Variants in CSMD3 observed in about 807,000 individuals in gnomAD.
CSMD3 encodes CUB and sushi domain-containing protein 3.
In CSMD3, 177 loss-of-function variants were observed where a neutral mutation model predicts 435.2. The ratio of observed to expected loss-of-function variants is 0.41; its 90% CI spans 0.36 to 0.46. The LOEUF (loss-of-function observed/expected upper bound fraction) is 0.46. Ranked by LOEUF, CSMD3 falls within the 20% of genes least tolerant of loss-of-function variation. The pLI, the probability that CSMD3 is intolerant of heterozygous loss-of-function variation, is 0.34. For synonymous variants in CSMD3, 1,656 were observed against 1,520.5 expected, an observed-to-expected ratio of 1.09 and a Z score of -2.07; for missense variants, 4,265 against 4,504.6, an observed-to-expected ratio of 0.95 and a Z score of 1.52.
intron 32 of CSMD3, among the ~76,000 whole-genome samples, chr8:112,426,648 T>A (rs970770930): frequency 1.3e-5 from 2 of 152,204 alleles, no homozygotes; most frequent in Non-Finnish European, 2.9e-5. Context: ...ACCTCAGAAT[T>A]TATCTGATTA....
intron 22 of CSMD3, among the ~76,000 whole-genome samples, chr8:112,593,221 A>T (rs1831350809): frequency 6.6e-6 from 1 of 152,158 alleles, no homozygotes. Flanking sequence ...TTAAAAAGAG[A>T]AAAACATGAC....
At chr8:112,600,352 A>AT (rs572750947) in intron 22 of CSMD3, among the ~76,000 whole-genome samples, 1 of 152,206 alleles carries the variant, frequency 6.6e-6, no homozygotes, top group South Asian at 2.1e-4. Context: ...TGTTTTCATT[A>AT]TTTTTTGAAT....
rs181626313 is a variant in CSMD3 at position 112,446,558 on chromosome 8, G to A, written c.5395+26033C>T. 2.0e-5 allele frequency among the ~76,000 whole-genome samples: 3 copies of A among 152,234 alleles called. No homozygotes were observed. In the East Asian group the frequency reaches 5.8e-4, roughly 29 times the overall value. ...CATTCAGTCCTATTTACAACATACT[G>A]GAGCAGTTGCTCATCTGATTTCTAC... On this transcript the variant is annotated intron_variant, in intron 32 of 70. Transcript: ENST00000297405.
At chr8:113,072,553 A>T (rs578198359) in intron 5 of CSMD3, among the ~76,000 whole-genome samples, 2 of 151,974 alleles carry the variant, frequency 1.3e-5, no homozygotes, top group Non-Finnish European at 1.5e-5. Flanking sequence ...CTACTACAGC[A>T]TCAATTATAA....
intron 3 of CSMD3, among the ~76,000 whole-genome samples, chr8:113,193,814 T>C (rs772601044): frequency 6.6e-6 from 1 of 151,448 alleles, no homozygotes; most frequent in Non-Finnish European, 1.5e-5. Context: ...GAATTATTTC[T>C]TGTGACATAT....
chr8:113,317,948 C>T (rs540378290), intron 1 of CSMD3, among the ~76,000 whole-genome samples: 9 of 152,214 alleles, frequency 5.9e-5, no homozygotes, highest in East Asian at 1.9e-4. Context: ...GCATATAGTA[C>T]GCCTATAGTA....
At chr8:113,135,391 T>C (rs2091392156) in intron 4 of CSMD3, among the ~76,000 whole-genome samples, 2 of 151,890 alleles carry the variant, frequency 1.3e-5, no homozygotes, top group South Asian at 2.1e-4. Context: ...CAGTTGTTCC[T>C]TTAGCCTAAA....
intron 3 of CSMD3, among the ~76,000 whole-genome samples, chr8:113,266,507 A>T (rs1226224590): frequency 6.6e-6 from 1 of 151,548 alleles, no homozygotes; most frequent in Non-Finnish European, 1.5e-5. Context: ...CAGTTCTCAA[A>T]TGTAAGACAT....
At chr8:113,124,127 A>C (rs2091059662) in intron 4 of CSMD3, among the ~76,000 whole-genome samples, 1 of 151,994 alleles carries the variant, frequency 6.6e-6, no homozygotes. Flanking sequence ...TATAGTAGCT[A>C]GTTGTTTATA....
chr8:113,062,212 G>T (rs887022452), intron 5 of CSMD3, among the ~76,000 whole-genome samples: 2 of 151,798 alleles, frequency 1.3e-5, no homozygotes, highest in East Asian at 3.9e-4. Context: ...AAAGTTCATT[G>T]TTTATTTATT....
chr8:112,346,106 TG>T lies in CSMD3; in HGVS notation c.6432del (p.Ile2145Ter), dbSNP rs2131022585. The T allele has an allele frequency of 6.4e-7, 1 of 1,573,284 alleles. No homozygotes were observed. The highest frequency in any genetic ancestry group is 8.8e-7 in the Non-Finnish European group (1 of 1,142,704). ...TTTTTAATACACATACCAAAACCTA[TG>T]GGTAGATTTATTGTCCATGTGCAAT... ...SLDCTWTINLPIGFGVHLQFV... is the reference protein window; with the variant it reads ...SLDCTWTINLXIGFGVHLQFV... On this transcript the variant is annotated frameshift_variant, in exon 41 of 71. Coordinates refer to ENST00000297405, the MANE Select transcript of CSMD3 (RefSeq NM_198123.2). LOFTEE classifies it high-confidence loss of function.
chr8:112,677,510 T>C (rs1010364481), intron 16 of CSMD3, among the ~76,000 whole-genome samples: 1 of 148,566 alleles, frequency 6.7e-6, no homozygotes, highest in African/African-American at 2.5e-5. Flanking sequence ...TGAAATGAAA[T>C]CATACTAGAT....
intron 12 of CSMD3, among the ~76,000 whole-genome samples, chr8:112,815,335 G>A (rs1278595800): frequency 6.6e-6 from 1 of 152,076 alleles, no homozygotes; most frequent in Non-Finnish European, 1.5e-5. Context: ...AGCATAATAA[G>A]GTAGGATAAT....
intron 22 of CSMD3, among the ~76,000 whole-genome samples, chr8:112,600,449 G>A (rs979890292): frequency 5.3e-5 from 8 of 151,996 alleles, no homozygotes; most frequent in South Asian, 2.1e-4. Flanking sequence ...TAACGCAACC[G>A]ATAAGAATGG....
At position 113,297,512 on chromosome 8, in the gene CSMD3, C is replaced by A. The variant is rs565843218; in HGVS notation, c.401+17059G>T. On this transcript the variant is annotated intron_variant, in intron 2 of 70. Transcript: ENST00000297405. ...AATAAATTACTCCAATTAATCATAC[C>A]AAGAAAACATTTAGTTTAATCTGGA... Among the ~76,000 whole-genome samples, 431 of 150,214 alleles carry A rather than the reference C, an allele frequency of 2.9e-3. 3 individuals are homozygous for A. The highest frequency in any genetic ancestry group is 0.01 in the African/African-American group (400 of 39,852).
At chr8:112,248,336 T>A (rs573609441) in intron 63 of CSMD3, among the ~76,000 whole-genome samples, 1 of 152,228 alleles carries the variant, frequency 6.6e-6, no homozygotes, top group South Asian at 2.1e-4. Flanking sequence ...CAGGATATGG[T>A]ATTTAGAAGA....
At chr8:112,984,499 A>G (rs182202740) in intron 6 of CSMD3, among the ~76,000 whole-genome samples, 192 of 152,218 alleles carry the variant, frequency 1.3e-3, no homozygotes, top group Non-Finnish European at 1.9e-3. Context: ...ATATCTCGCC[A>G]ACTGTCTTTG....
chr8:112,685,350 C>A, intron 15 of CSMD3, 56 bp downstream of exon 15: 1 of 1,448,706 alleles, frequency 6.9e-7, no homozygotes. Context: ...GATCACTTTT[C>A]AACTCAAATT....
intron 17 of CSMD3, 110 bp from the exon 18 acceptor site, chr8:112,656,451 T>C (rs887622754): frequency 1.6e-5 from 12 of 741,358 alleles, no homozygotes; most frequent in Admixed American, 3.2e-5. Flanking sequence ...CATTTTATAT[T>C]ATAATTTTCT....
Sources: allele counts gnomAD v4.1 joint callset (sites outside exome capture counted in the v4.1 genomes callset), GRCh38; gene constraint gnomAD v4.1.1; transcripts MANE v1.5; gene names NCBI Gene and HGNC (gene_info 2026-07-23, HGNC 2026-07-21).